MAPK10: variants seen among roughly 807,000 people sequenced by gnomAD.
MAPK10 encodes the protein JNK3 alpha protein kinase.
Under a neutral mutation model 59.3 loss-of-function variants are expected in MAPK10, and 25 were observed. The observed-to-expected ratio is 0.42, with a 90% CI of 0.31 to 0.59. The LOEUF is 0.59. Ranked by LOEUF, MAPK10 falls within the 20% of genes least tolerant of loss-of-function variation. The pLI, the probability that MAPK10 is intolerant of heterozygous loss-of-function variation, is 0.15. For synonymous variants in MAPK10, 190 were observed against 200.5 expected, an observed-to-expected ratio of 0.95 and a Z score of 0.44; for missense variants, 351 against 568.9, an observed-to-expected ratio of 0.62 and a Z score of 3.90.
intron 2 of MAPK10, among the ~76,000 whole-genome samples, chr4:86,262,403 G>A (rs899309191): frequency 6.6e-6 from 1 of 152,154 alleles, no homozygotes; most frequent in African/African-American, 2.4e-5. Context: ...GTACCCTGTT[G>A]TAGCCGCATA....
intron 4 of MAPK10, among the ~76,000 whole-genome samples, chr4:86,115,312 C>T (rs1432280150): frequency 6.6e-6 from 1 of 152,194 alleles, no homozygotes; most frequent in Non-Finnish European, 1.5e-5. Flanking sequence ...TCCCATGCAG[C>T]TCCCGGATCA....
At chr4:86,553,578 T>G (rs1335496057) in intron 1 of MAPK10, among the ~76,000 whole-genome samples, 1 of 152,122 alleles carries the variant, frequency 6.6e-6, no homozygotes, top group African/African-American at 2.4e-5. Flanking sequence ...GGGGTCAGGG[T>G]CTCCCTGTCC....
chr4:86,058,041 A>C (rs1232871622), intron 11 of MAPK10, among the ~76,000 whole-genome samples: 1 of 149,956 alleles, frequency 6.7e-6, no homozygotes, highest in Non-Finnish European at 1.5e-5. Context: ...CATTCAGTGG[A>C]AACCCCAATG....
intron 3 of MAPK10, among the ~76,000 whole-genome samples, chr4:86,169,375 G>C (rs991175277): frequency 6.6e-6 from 1 of 152,178 alleles, no homozygotes; most frequent in African/African-American, 2.4e-5. Context: ...TTAAAGGAGT[G>C]GATGGAGCTG....
At chr4:86,435,484 C>G (rs1258015296) in intron 1 of MAPK10, among the ~76,000 whole-genome samples, 1 of 151,296 alleles carries the variant, frequency 6.6e-6, no homozygotes, top group Non-Finnish European at 1.5e-5. Context: ...GCAACAAGAG[C>G]AAAACGCCAT....
chr4:86,042,064 C>T (rs774063844), intron 11 of MAPK10, among the ~76,000 whole-genome samples: 5 of 152,210 alleles, frequency 3.3e-5, no homozygotes, highest in Non-Finnish European at 7.3e-5. Flanking sequence ...TTGGAACCAA[C>T]CCAAATGCCC....
intron 2 of MAPK10, among the ~76,000 whole-genome samples, chr4:86,321,112 T>C (rs560193888): frequency 2.4e-4 from 37 of 151,926 alleles, no homozygotes; most frequent in Non-Finnish European, 4.7e-4. Context: ...TGTGGAGAAA[T>C]AGGAACACTT....
intron 3 of MAPK10, among the ~76,000 whole-genome samples, chr4:86,161,499 A>C (rs1040367985): frequency 2.0e-5 from 3 of 152,102 alleles, no homozygotes; most frequent in African/African-American, 7.2e-5. Flanking sequence ...GAACAGCCTG[A>C]ATAAAGCCCT....
At chr4:86,589,048 C>T (rs1443008089) in intron 1 of MAPK10, among the ~76,000 whole-genome samples, 1 of 151,922 alleles carries the variant, frequency 6.6e-6, no homozygotes, top group Non-Finnish European at 1.5e-5. Context: ...AAAGGGGTCG[C>T]TGCTGCTACC....
At chr4:86,379,795 C>T (rs989564958) in intron 1 of MAPK10, among the ~76,000 whole-genome samples, 20 of 152,144 alleles carry the variant, frequency 1.3e-4, no homozygotes, top group African/African-American at 3.9e-4. Context: ...AATCTCTGTT[C>T]GAGGCTCTCA....
At chr4:86,435,490 G>A (rs529614304) in intron 1 of MAPK10, among the ~76,000 whole-genome samples, 2 of 151,528 alleles carry the variant, frequency 1.3e-5, no homozygotes, top group Non-Finnish European at 1.5e-5. Flanking sequence ...AGAGCAAAAC[G>A]CCATCTCACA....
intron 1 of MAPK10, among the ~76,000 whole-genome samples, chr4:86,451,566 T>C (rs528435983): frequency 1.5e-4 from 23 of 152,276 alleles, no homozygotes; most frequent in African/African-American, 4.8e-4. Context: ...TAAGAAAAAG[T>C]GTTTCCAGGA....
chr4:86,277,606 G>C (rs2094625968), intron 2 of MAPK10, among the ~76,000 whole-genome samples: 2 of 152,036 alleles, frequency 1.3e-5, no homozygotes, highest in Admixed American at 1.3e-4. Flanking sequence ...TAAGCAGACA[G>C]TAACTTTTTT....
At chr4:86,223,660 C>T (rs2148648045) in intron 2 of MAPK10, among the ~76,000 whole-genome samples, 1 of 152,244 alleles carries the variant, frequency 6.6e-6, no homozygotes, top group East Asian at 1.9e-4. Flanking sequence ...CCAAATCTCA[C>T]CCCTCCCTCT....
intron 1 of MAPK10, chr4:86,357,956 A>G (rs182382479): frequency 5.4e-6 from 2 of 371,336 alleles, no homozygotes; most frequent in Non-Finnish European, 7.4e-6. Context: ...CACCTTTGTC[A>G]TCTGATTTTC....
At chr4:86,330,842 C>T (rs954332056) in intron 2 of MAPK10, among the ~76,000 whole-genome samples, 12 of 152,040 alleles carry the variant, frequency 7.9e-5, no homozygotes, top group Admixed American at 5.2e-4. Context: ...ATGGGGAATT[C>T]GTGTTTTAAA....
At chr4:86,143,955 G>A (rs2064223004) in intron 4 of MAPK10, among the ~76,000 whole-genome samples, 1 of 152,142 alleles carries the variant, frequency 6.6e-6, no homozygotes, top group Non-Finnish European at 1.5e-5. Context: ...CAGATCCTAA[G>A]CTTATTAGAG....
intron 1 of MAPK10, among the ~76,000 whole-genome samples, chr4:86,507,617 T>TAG (rs1333007616): frequency 1.3e-3 from 15 of 11,172 alleles, no homozygotes; most frequent in African/African-American, 6.0e-3. Context: ...AAACTGGAGA[T>TAG]ATATATATAT....
intron 3 of MAPK10, among the ~76,000 whole-genome samples, chr4:86,171,426 A>G (rs1252034937): frequency 6.6e-6 from 1 of 151,940 alleles, no homozygotes; most frequent in Admixed American, 6.6e-5. Flanking sequence ...AACGCTGCAT[A>G]TCTACAACTA....
Sources: allele counts gnomAD v4.1 joint callset (sites outside exome capture counted in the v4.1 genomes callset), GRCh38; gene constraint gnomAD v4.1.1; transcripts MANE v1.5; gene names NCBI Gene and HGNC (gene_info 2026-07-23, HGNC 2026-07-21).